The following DDX10 variants were observed in gnomAD, a reference collection of about 807,000 sequenced individuals.
DDX10 encodes the protein DEAD-box helicase 10.
Under a neutral mutation model 104.3 loss-of-function variants are expected in DDX10, and 74 were observed. That is an observed-to-expected ratio of 0.71 (90% CI 0.59 to 0.86). The LOEUF (loss-of-function observed/expected upper bound fraction) is 0.86, where lower values mean the gene tolerates loss of function less well. DDX10 is among the 40% of genes least tolerant of loss of function. The pLI, the probability that DDX10 is intolerant of heterozygous loss-of-function variation, is 0.00. For missense variants in DDX10, 952 were observed against 1,040.0 expected, an observed-to-expected ratio of 0.92 and a Z score of 1.16; for synonymous variants, 351 against 353.4, an observed-to-expected ratio of 0.99 and a Z score of 0.08.
chr11:108,714,523 TGA>T (rs772981369), intron 10 of DDX10, among the ~76,000 whole-genome samples: 8,125 of 114,226 alleles, frequency 0.071, 306 homozygotes, highest in Non-Finnish European at 0.099. Context: ...ATCAGAAGTC[TGA>T]CTCTTTTTTT....
At chr11:108,760,258 G>T (rs565308077) in intron 13 of DDX10, among the ~76,000 whole-genome samples, 28 of 151,870 alleles carry the variant, frequency 1.8e-4, no homozygotes, top group Non-Finnish European at 3.8e-4. Context: ...AACAAAATAT[G>T]TATCTCTACA....
intron 16 of DDX10, among the ~76,000 whole-genome samples, chr11:108,900,726 A>G (rs769647631): frequency 2.0e-5 from 3 of 152,098 alleles, no homozygotes; most frequent in Non-Finnish European, 4.4e-5. Context: ...TTTGCCCCAT[A>G]CAGTCATCAG....
chr11:108,836,677 C>G (rs766973456), intron 13 of DDX10, among the ~76,000 whole-genome samples: 1 of 151,916 alleles, frequency 6.6e-6, no homozygotes, highest in African/African-American at 2.4e-5. Flanking sequence ...TTAGTAGATT[C>G]GGGGTTTTGC....
chr11:108,693,831 T>G (rs1286644860), intron 9 of DDX10, among the ~76,000 whole-genome samples: 5 of 152,238 alleles, frequency 3.3e-5, no homozygotes, highest in African/African-American at 1.2e-4. Flanking sequence ...ACTTTACTTT[T>G]CAGCAAAACT....
chr11:108,860,910 C>T (rs1164788172), intron 16 of DDX10: 1 of 151,918 alleles, frequency 6.6e-6, no homozygotes, highest in Non-Finnish European at 1.5e-5. Context: ...GAAAAAAAGC[C>T]AGTGGGAAAA....
chr11:108,900,737 G>A (rs1009507441), intron 16 of DDX10, among the ~76,000 whole-genome samples: 1 of 152,130 alleles, frequency 6.6e-6, no homozygotes, highest in Non-Finnish European at 1.5e-5. Context: ...CAGTCATCAG[G>A]TTAGCAGTGG....
At chr11:108,862,285 A>G (rs930177542) in intron 16 of DDX10, among the ~76,000 whole-genome samples, 3 of 152,134 alleles carry the variant, frequency 2.0e-5, no homozygotes, top group Non-Finnish European at 2.9e-5. Flanking sequence ...CAGCCTCCCA[A>G]TGTGCTGGGA....
At chr11:108,765,830 A>G (rs2094355770) in intron 13 of DDX10, among the ~76,000 whole-genome samples, 4 of 152,218 alleles carry the variant, frequency 2.6e-5, no homozygotes, top group Admixed American at 2.0e-4. Flanking sequence ...GTGAGAAGGT[A>G]TTAAATGGAC....
chr11:108,838,430 G>A lies in DDX10; in HGVS notation c.1966-16G>A, dbSNP rs778331773. 1.5e-5 allele frequency: 24 copies of A among 1,595,982 alleles called. No homozygotes were observed. Among genetic ancestry groups the A allele is most frequent in the Non-Finnish European group, 2.0e-5 (23 of 1,174,830 alleles). ...ATTTTCCTAATCATCTGTGTTTTTT[G>A]TATGTTCTCACACAGAAGAAAGAAC... is the stretch of plus-strand genomic sequence containing the variant. On this transcript the variant is annotated splice_polypyrimidine_tract_variant and intron_variant, in intron 13 of 17. Transcript: ENST00000322536.
At position 108,678,458 on chromosome 11, in the gene DDX10, T is replaced by TA. The variant is rs746405801; in HGVS notation, c.658+23_658+24insA. 15 of 1,552,486 alleles carry TA rather than the reference T, an allele frequency of 9.7e-6. No individual in the cohort carries two copies. The African/African-American group carries it at 1.3e-4, about 13-fold the overall frequency. ...TAGGTGAGTCAAATCAATTTCTAAT[T>TA]TAAAAAAAAAAAAAGCTCAGACTTA... On this transcript the variant is annotated intron_variant, in intron 5 of 17. Transcript: ENST00000322536.
intron 13 of DDX10, among the ~76,000 whole-genome samples, chr11:108,747,742 A>G (rs540373911): frequency 3.2e-4 from 49 of 152,238 alleles, no homozygotes; most frequent in Non-Finnish European, 5.7e-4. Flanking sequence ...CCATCCTCCA[A>G]CATAGTTACT....
chr11:108,732,573 G>T (rs2094313590), intron 13 of DDX10, among the ~76,000 whole-genome samples: 1 of 152,192 alleles, frequency 6.6e-6, no homozygotes, highest in Non-Finnish European at 1.5e-5. Flanking sequence ...ATGCTGCCTT[G>T]TCACAATCCT....
chr11:108,912,303 C>T (rs1863690659), intron 16 of DDX10, among the ~76,000 whole-genome samples: 1 of 152,132 alleles, frequency 6.6e-6, no homozygotes, highest in East Asian at 1.9e-4. Context: ...AGGGTATGGA[C>T]ATATGAAAGA....
Position 108,688,946 on chromosome 11 carries a change from A to G in DDX10, c.859A>G (p.Thr287Ala). 2 of 1,612,342 alleles carry G rather than the reference A, an allele frequency of 1.2e-6. No homozygotes were observed. The highest frequency in any genetic ancestry group is 1.7e-6 in the Non-Finnish European group (2 of 1,179,128). ...CCGTAATTCCACAAGCACCCCTGCCACTTTGGAACAGAACTACATAGTCTG... is the reference window on the plus strand; with the variant it reads ...CCGTAATTCCACAAGCACCCCTGCCGCTTTGGAACAGAACTACATAGTCTG... Reference protein sequence around the residue: ...HEKAKYSTPATLEQNYIVCEL... With the variant: ...HEKAKYSTPAALEQNYIVCEL... Residue 287 changes from threonine (T) to alanine (A), a missense_variant, in exon 7 of 18, where the codon ACT becomes GCT. Physicochemically the swap from Thr to Ala is moderately conservative, Grantham distance 58 (BLOSUM62 0). Around this residue, in one of 3 missense-constraint regions of DDX10, gnomAD observed 412 missense variants for 479.2 expected, o/e 0.86. Coordinates refer to ENST00000322536, the MANE Select transcript of DDX10 (RefSeq NM_004398.4).
chr11:108,678,460 A>C (rs773548065), intron 5 of DDX10, 25 bp downstream of exon 5: 2 of 436,560 alleles, frequency 4.6e-6, no homozygotes, highest in African/African-American at 2.2e-5. Flanking sequence ...TTTCTAATTT[A>C]AAAAAAAAAA....
chr11:108,778,894 C>T (rs538871631), intron 13 of DDX10, among the ~76,000 whole-genome samples: 11 of 152,276 alleles, frequency 7.2e-5, no homozygotes, highest in African/African-American at 2.6e-4. Context: ...ACAGACACTT[C>T]TCAAAAGAAG....
intron 9 of DDX10, among the ~76,000 whole-genome samples, chr11:108,700,935 ACC>A (rs150916900): frequency 0.012 from 1,778 of 151,794 alleles, 38 homozygotes; most frequent in African/African-American, 0.041. Flanking sequence ...TTCTCTGTGA[ACC>A]CCATAAATCC....
intron 6 of DDX10, among the ~76,000 whole-genome samples, chr11:108,681,316 T>G (rs1455365573): frequency 1.3e-5 from 2 of 152,206 alleles, no homozygotes; most frequent in Non-Finnish European, 2.9e-5. Flanking sequence ...GTCCCATCAC[T>G]TATAAAAGTG....
intron 13 of DDX10, among the ~76,000 whole-genome samples, chr11:108,757,034 G>C (rs554262784): frequency 1.3e-5 from 2 of 152,144 alleles, no homozygotes; most frequent in South Asian, 4.2e-4. Context: ...GATGATTGTA[G>C]TCTGAGTCTG....
Sources: gnomAD v4.1 joint callset for allele counts (sites outside exome capture counted in the v4.1 genomes callset) on GRCh38, gnomAD v4.1.1 for gene constraint, gnomAD v4.1.1 regional missense constraint, MANE v1.5 for transcripts, NCBI Gene and HGNC (gene_info 2026-07-23, HGNC 2026-07-21) for gene names.